The following CALN1 variants were observed in gnomAD, a reference collection of about 807,000 sequenced individuals.
CALN1 encodes calneuron 1.
In CALN1, 17 loss-of-function variants were observed where a neutral mutation model predicts 30.6. The ratio of observed to expected loss-of-function variants is 0.56; its 90% confidence interval spans 0.38 to 0.83. The LOEUF (loss-of-function observed/expected upper bound fraction) is 0.83. Among genes scored for constraint, CALN1 ranks in the 40% least tolerant of loss-of-function variants. The pLI is 0.00. For missense variants in CALN1, 291 were observed against 354.9 expected (o/e 0.82, Z 1.45); for synonymous variants, 156 against 131.4 (o/e 1.19, Z -1.28).
At position 72,429,739 on chromosome 7, in the gene CALN1, G is replaced by GTA. The variant is rs58652627; in HGVS notation, c.-226+17301_-226+17302dup. 2.7e-3 allele frequency among the ~76,000 whole-genome samples: 378 copies of GTA among 139,650 alleles called. 2 individuals carry two copies. Among genetic ancestry groups the GTA allele is most frequent in the African/African-American group, 4.9e-3 (185 of 37,646 alleles). The allele number at this position is 139,650 out of a possible 152,430, so 91.6% of individuals were successfully genotyped here. On this transcript the variant is annotated intron_variant, in intron 1 of 6. Transcript: ENST00000395276. ...TATATGTAATTATATATATGTCTGT[G>GTA]TATATATATATATACACATCTGTAT... is the stretch of plus-strand genomic sequence containing the variant.
upstream of CALN1, among the ~76,000 whole-genome samples, chr7:72,412,992 A>C (rs534104857): frequency 2.5e-4 from 38 of 152,292 alleles, no homozygotes; most frequent in African/African-American, 9.1e-4. Flanking sequence ...GTGCTGGCTC[A>C]CGCTAAGCCC....
intron 4 of CALN1, among the ~76,000 whole-genome samples, chr7:72,068,952 A>T (rs114723288): frequency 1.1e-3 from 167 of 152,340 alleles, no homozygotes; most frequent in African/African-American, 3.8e-3. Flanking sequence ...AGGACGGTGG[A>T]AAAACTGGAG....
Position 71,785,125 on chromosome 7 carries a change from TG to T in CALN1, c.*2649del. ...GGTGCCACATGGGGGGTTACCACAG[TG>T]GGAAGATAACTCCTAGGCTGTCAGA... On this transcript the variant is annotated 3_prime_UTR_variant, in exon 7 of 7. Transcript: ENST00000395275. 2.7e-6 allele frequency: 1 copy of T among 370,232 alleles called. No individual in the cohort carries two copies. The allele number at this position is 370,232 out of a possible 1,614,324, so 22.9% of individuals were successfully genotyped here.
At chr7:72,355,197 C>T (rs1045853545) in intron 2 of CALN1, among the ~76,000 whole-genome samples, 2 of 152,276 alleles carry the variant, frequency 1.3e-5, no homozygotes, top group Admixed American at 6.5e-5. Flanking sequence ...CGTGAGCCAA[C>T]GTGCTCAGCC....
chr7:72,271,575 A>AAAATATATAT, intron 3 of CALN1, among the ~76,000 whole-genome samples: 642 of 52,114 alleles, frequency 0.012, 42 homozygotes, highest in East Asian at 0.036. Context: ...AAAAAAAAAA[A>AAAATATATAT]ATATATATAT....
intron 3 of CALN1, among the ~76,000 whole-genome samples, chr7:72,184,713 C>T (rs1345623487): frequency 6.6e-6 from 1 of 152,092 alleles, no homozygotes; most frequent in Non-Finnish European, 1.5e-5. Context: ...TTCAGAGCTC[C>T]AAAGGGGCCT....
At chr7:72,273,874 T>C (rs1797167683) in intron 3 of CALN1, among the ~76,000 whole-genome samples, 1 of 151,992 alleles carries the variant, frequency 6.6e-6, no homozygotes, top group Non-Finnish European at 1.5e-5. Context: ...AAAAACTTCA[T>C]AATGTTGAGT....
At chr7:72,402,129 T>G (rs1359289450) in intron 2 of CALN1, among the ~76,000 whole-genome samples, 1 of 152,064 alleles carries the variant, frequency 6.6e-6, no homozygotes, top group Non-Finnish European at 1.5e-5. Flanking sequence ...CATTGTCCTA[T>G]TCCAGATGCT....
At chr7:72,074,996 C>T (rs140780997) in intron 4 of CALN1, among the ~76,000 whole-genome samples, 1 of 152,298 alleles carries the variant, frequency 6.6e-6, no homozygotes, top group East Asian at 1.9e-4. Flanking sequence ...TACTTCTAGC[C>T]ACATTGGAGA....
In CALN1 at chr7:71,914,258, C is replaced by T. The variant is rs112499180; in HGVS notation, c.502-103766G>A. ...TGTATTGTTCTCCACTGTGTGTCCA[C>T]GTGTTCTCATCATTTACCTCCCACT... On this transcript the variant is annotated intron_variant, in intron 5 of 6. Coordinates refer to ENST00000395275, the MANE Select transcript of CALN1 (RefSeq NM_031468.4). Among the ~76,000 whole-genome samples, 14 of 152,234 alleles carry T rather than the reference C, an allele frequency of 9.2e-5. No homozygotes were observed. In the East Asian group the frequency reaches 1.6e-3, roughly 17 times the overall value.
chr7:72,268,052 A>G (rs1395934168), intron 3 of CALN1, among the ~76,000 whole-genome samples: 1 of 152,190 alleles, frequency 6.6e-6, no homozygotes, highest in Non-Finnish European at 1.5e-5. Context: ...TATATGCATA[A>G]TAGGATGATT....
chr7:71,847,921 G>A (rs1177954689), intron 5 of CALN1, among the ~76,000 whole-genome samples: 1 of 152,008 alleles, frequency 6.6e-6, no homozygotes, highest in African/African-American at 2.4e-5. Context: ...TGTAAGAAGT[G>A]CCTTTTTTCT....
intron 3 of CALN1, among the ~76,000 whole-genome samples, chr7:72,134,599 T>C (rs1297596382): frequency 6.6e-6 from 1 of 152,270 alleles, no homozygotes; most frequent in Admixed American, 6.5e-5. Context: ...AAACATATTT[T>C]ATTGCTAAAA....
the CALN1 span, among the ~76,000 whole-genome samples, chr7:72,488,214 T>G: frequency 6.6e-6 from 1 of 151,546 alleles, no homozygotes; most frequent in Non-Finnish European, 1.5e-5. Context: ...AAAAAAAATT[T>G]TTTTTAATTA....
intron 4 of CALN1, among the ~76,000 whole-genome samples, chr7:72,054,763 G>A (rs1281582786): frequency 6.6e-6 from 1 of 151,932 alleles, no homozygotes; most frequent in Admixed American, 6.6e-5. Context: ...CCTACTTGAA[G>A]GTGAAGGAGG....
chr7:72,149,341 G>A (rs113545668), intron 3 of CALN1, among the ~76,000 whole-genome samples: 27,201 of 151,730 alleles, frequency 0.18, 2,617 homozygotes, highest in East Asian at 0.29. Context: ...GGTGGCAGTC[G>A]CCTATAATCC....
At chr7:71,960,522 G>T (rs1342016489) in intron 5 of CALN1, among the ~76,000 whole-genome samples, 1 of 152,092 alleles carries the variant, frequency 6.6e-6, no homozygotes, top group East Asian at 1.9e-4. Context: ...CTTTTTTATG[G>T]CTGAGTAGTA....
At chr7:72,055,019 G>A (rs1342736802) in intron 4 of CALN1, among the ~76,000 whole-genome samples, 1 of 152,152 alleles carries the variant, frequency 6.6e-6, no homozygotes, top group African/African-American at 2.4e-5. Context: ...GAATTCCAAA[G>A]AAAGAACAAA....
intron 3 of CALN1, among the ~76,000 whole-genome samples, chr7:72,251,396 CTTTT>C (rs561449124): frequency 2.6e-5 from 4 of 151,660 alleles, no homozygotes; most frequent in South Asian, 4.2e-4. Context: ...CTCTGAACTA[CTTTT>C]TTTTTCCTTT....
Sources: allele counts gnomAD v4.1 joint callset (sites outside exome capture counted in the v4.1 genomes callset), GRCh38; gene constraint gnomAD v4.1.1; transcripts MANE v1.5; gene names NCBI Gene and HGNC (gene_info 2026-07-23, HGNC 2026-07-21).